RABIF: variants seen among roughly 807,000 people sequenced by gnomAD.
The protein encoded by RABIF is RAB interacting factor.
RABIF carries 13 observed loss-of-function variants against 12.3 expected under a neutral mutation model. The observed-to-expected ratio is 1.06, with a 90% CI of 0.69 to 1.68. The LOEUF (loss-of-function observed/expected upper bound fraction) is 1.68. RABIF is among the 40% of genes most tolerant of loss of function. The pLI, the probability that RABIF is intolerant of heterozygous loss-of-function variation, is 0.00. For missense variants in RABIF, 153 were observed against 158.0 expected (o/e 0.97, Z 0.17); for synonymous variants, 70 against 63.3 (o/e 1.11, Z -0.50).
At chr1:202,885,822 G>A (rs986024034) in intron 1 of RABIF, among the ~76,000 whole-genome samples, 2 of 152,118 alleles carry the variant, frequency 1.3e-5, no homozygotes, top group Non-Finnish European at 2.9e-5. Flanking sequence ...AAACAATTAG[G>A]ACTGACAGTA....
chr1:202,889,145 T>A lies in RABIF; in HGVS notation c.-47A>T. ...CTCAGCCACGGCTGCGCAGACGCTG[T>A]CTCTGCTGGCTCGTTATTCACTGCG... On this transcript the variant is annotated 5_prime_UTR_variant, in exon 1 of 2. Transcript: ENST00000367262. 1 of 1,566,908 alleles carries A rather than the reference T, an allele frequency of 6.4e-7. No individual in the cohort carries two copies. The highest frequency in any genetic ancestry group is 8.6e-7 in the Non-Finnish European group (1 of 1,157,086).
At position 202,880,952 on chromosome 1, in the gene RABIF, A is replaced by T; in HGVS notation, c.*26T>A. On this transcript the variant is annotated 3_prime_UTR_variant, in exon 2 of 2. Transcript: ENST00000367262. ...GTGGGGAGTAGGTTTATCTTTGGAGATGGAGCTGAGTACCCCTCCCCTCAG... is the reference window on the plus strand; with the variant it reads ...GTGGGGAGTAGGTTTATCTTTGGAGTTGGAGCTGAGTACCCCTCCCCTCAG... 6.2e-7 allele frequency: 1 copy of T among 1,609,768 alleles called. No homozygotes were observed. The highest frequency in any genetic ancestry group is 8.5e-7 in the Non-Finnish European group (1 of 1,176,594).
rs1378541115 is a variant in RABIF, at chr1:202,879,080, A to G, written c.*1898T>C. 6.6e-6 allele frequency: 1 copy of G among 152,262 alleles called. No individual in the cohort carries two copies. The highest frequency in any genetic ancestry group is 2.4e-5 in the African/African-American group (1 of 41,472). The allele number at this position is 152,262 out of a possible 1,614,324, so 9.4% of individuals were successfully genotyped here. ...TCAAAAAAGGAAATAGAAATGACCG[A>G]TACGTATATAAAAGTTTCACTAGAA... is the stretch of plus-strand genomic sequence containing the variant. On this transcript the variant is annotated 3_prime_UTR_variant, in exon 2 of 2. Coordinates refer to ENST00000367262, the MANE Select transcript of RABIF (RefSeq NM_002871.5).
intron 1 of RABIF, among the ~76,000 whole-genome samples, chr1:202,885,884 G>A (rs1659552709): frequency 6.6e-6 from 1 of 151,878 alleles, no homozygotes; most frequent in African/African-American, 2.4e-5. Flanking sequence ...CAGAAAAAGG[G>A]ATAGGATTCT....
chr1:202,884,699 G>A (rs999236090), intron 1 of RABIF, among the ~76,000 whole-genome samples: 6 of 152,094 alleles, frequency 3.9e-5, no homozygotes, highest in South Asian at 2.1e-4. Flanking sequence ...GACGCGTGAC[G>A]GAATGACCTT....
chr1:202,880,861 C>A lies in RABIF; in HGVS notation c.*117G>T. On this transcript the variant is annotated 3_prime_UTR_variant, in exon 2 of 2. Coordinates refer to ENST00000367262, the MANE Select transcript of RABIF (RefSeq NM_002871.5). ...ATGTTCAAATGGACATGCTGGTACTCAGTATTTATATTAGCACAGACAAGA... is the reference window on the plus strand; with the variant it reads ...ATGTTCAAATGGACATGCTGGTACTAAGTATTTATATTAGCACAGACAAGA... The A allele has an allele frequency of 6.6e-7, 1 of 1,515,634 alleles. No individual in the cohort carries two copies. Among genetic ancestry groups the A allele is most frequent in the South Asian group, 1.3e-5 (1 of 75,890 alleles). The allele number at this position is 1,515,634 out of a possible 1,614,324, so 93.9% of individuals were successfully genotyped here. A position where few individuals can be genotyped will look rare whatever the true frequency, so the allele number is the denominator to read the frequency against.
chr1:202,887,499 T>A lies in RABIF; in HGVS notation c.126+1474A>T, dbSNP rs1242709655. Among the ~76,000 whole-genome samples the A allele has an allele frequency of 3.8e-4, 3 of 7,950 alleles. No individual in the cohort carries two copies. The East Asian group carries it at 0.042, about 110-fold the overall frequency. The allele number at this position is 7,950 out of a possible 152,430, so 5.2% of individuals were successfully genotyped here. A position where few individuals can be genotyped will look rare whatever the true frequency, so the allele number is the denominator to read the frequency against. On this transcript the variant is annotated intron_variant, in intron 1 of 1. Transcript: ENST00000367262. ...CTGCATCTCATGGAGGTTAAATAAC[T>A]TTTTTTTTTTTTTTTTGAGATGGTG...
chr1:202,883,382 G>C (rs1413246224), intron 1 of RABIF, among the ~76,000 whole-genome samples: 1 of 152,120 alleles, frequency 6.6e-6, no homozygotes, highest in Non-Finnish European at 1.5e-5. Context: ...TTAACACTTT[G>C]TTCTACCTTA....
At chr1:202,881,630 A>G (rs906347386) in intron 1 of RABIF, among the ~76,000 whole-genome samples, 5 of 151,984 alleles carry the variant, frequency 3.3e-5, no homozygotes, top group African/African-American at 1.2e-4. Flanking sequence ...GATGGTCTCG[A>G]TCTCTTGACC....
chr1:202,881,687 G>A (rs1044498105), intron 1 of RABIF, among the ~76,000 whole-genome samples: 1 of 152,210 alleles, frequency 6.6e-6, no homozygotes, highest in Non-Finnish European at 1.5e-5. Context: ...GATTATAGGC[G>A]TGAGCCTGAT....
At chr1:202,888,897 C>CG in intron 1 of RABIF, 76 bp downstream of exon 1, 1 of 1,434,160 alleles carries the variant, frequency 7.0e-7, no homozygotes, top group Non-Finnish European at 9.2e-7. Context: ...ATTGAAGAGC[C>CG]GGGGTTCAGA....
In RABIF at chr1:202,889,067, A is replaced by G. The variant is rs1659611095; in HGVS notation, c.32T>C (p.Val11Ala). The change falls in exon 1 of 2, where the codon GTG becomes GCG. Residue 11 changes from valine to alanine, a missense_variant. Transcript: ENST00000367262. MEPAEQPSELVSAEGRNRKAV... is the reference protein window; with the variant it reads MEPAEQPSELASAEGRNRKAV... ...CTTCCGGTTTCGGCCCTCGGCTGAC[A>G]CTAACTCGCTCGGCTGCTCCGCTGG... The G allele has an allele frequency of 6.2e-7, 1 of 1,610,868 alleles. No homozygotes were observed. Among genetic ancestry groups the G allele is most frequent in the Admixed American group, 1.7e-5 (1 of 59,638 alleles).
rs1168375967 is a variant in RABIF, at chr1:202,889,095, C to T, written c.4G>A (p.Glu2Lys). 5 of 1,603,100 alleles carry T rather than the reference C, an allele frequency of 3.1e-6. No individual in the cohort carries two copies. The highest frequency in any genetic ancestry group is 2.2e-5 in the South Asian group (2 of 90,276). ...AACTCGCTCGGCTGCTCCGCTGGTT[C>T]CATCGCCGCTGCCGCCACAGGCTCC... M[E>K]PAEQPSELVS... The change falls in exon 1 of 2, where the codon GAA becomes AAA. Residue 2 changes from glutamate (E) to lysine (K), a missense_variant. By Grantham distance (56) the Glu-to-Lys change is moderately conservative (BLOSUM62 1). Coordinates refer to ENST00000367262, the MANE Select transcript of RABIF (RefSeq NM_002871.5).
intron 1 of RABIF, among the ~76,000 whole-genome samples, chr1:202,885,044 G>A (rs542393281): frequency 6.9e-6 from 1 of 143,926 alleles, no homozygotes; most frequent in African/African-American, 2.7e-5. Context: ...CAGAGATCGT[G>A]CCACTGCACT....
intron 1 of RABIF, among the ~76,000 whole-genome samples, chr1:202,886,485 C>G (rs925988297): frequency 9.2e-5 from 14 of 152,060 alleles, no homozygotes; most frequent in African/African-American, 3.4e-4. Context: ...ACTTGGGAAG[C>G]TGAGGTAGGA....
At chr1:202,886,083 G>A (rs1274223844) in intron 1 of RABIF, among the ~76,000 whole-genome samples, 1 of 151,576 alleles carries the variant, frequency 6.6e-6, no homozygotes, top group Admixed American at 6.6e-5. Context: ...TGTGTTCGTT[G>A]AGAAACAAAA....
chr1:202,884,138 G>A (rs1659527630), intron 1 of RABIF, among the ~76,000 whole-genome samples: 1 of 152,128 alleles, frequency 6.6e-6, no homozygotes, highest in Non-Finnish European at 1.5e-5. Flanking sequence ...GCGAATCCTG[G>A]ACAACCTCTT....
At position 202,880,600 on chromosome 1, in the gene RABIF, T is replaced by C. The variant is rs1571503245; in HGVS notation, c.*378A>G. 5.4e-6 allele frequency: 4 copies of C among 746,944 alleles called. No homozygotes were observed. Among genetic ancestry groups the C allele is most frequent in the Non-Finnish European group, 6.6e-6 (4 of 607,784 alleles). 46.3% of individuals were successfully genotyped at this position (746,944 alleles called of 1,614,324 possible). A position where few individuals can be genotyped will look rare whatever the true frequency, so the allele number is the denominator to read the frequency against. On this transcript the variant is annotated 3_prime_UTR_variant, in exon 2 of 2. Coordinates refer to ENST00000367262, the MANE Select transcript of RABIF (RefSeq NM_002871.5). Reference sequence around the variant, plus strand: ...TTTCAACTATTAGTACATAAGCATCTTTTGTTATGTGTCATCATAGCTAAA... The same window carrying C: ...TTTCAACTATTAGTACATAAGCATCCTTTGTTATGTGTCATCATAGCTAAA...
intron 1 of RABIF, among the ~76,000 whole-genome samples, chr1:202,883,717 C>G (rs556580641): frequency 1.3e-4 from 20 of 152,160 alleles, no homozygotes; most frequent in Non-Finnish European, 1.8e-4. Flanking sequence ...CCATTTGTAG[C>G]ACAAAGCATC....
Sources: allele counts gnomAD v4.1 joint callset (sites outside exome capture counted in the v4.1 genomes callset), GRCh38; gene constraint gnomAD v4.1.1; transcripts MANE v1.5; gene names NCBI Gene and HGNC (gene_info 2026-07-23, HGNC 2026-07-21).